Variants in DOCK2 observed in about 807,000 individuals in gnomAD.
DOCK2 encodes the protein dedicator of cytokinesis 2.
Under a neutral mutation model 248.9 loss-of-function variants are expected in DOCK2, and 87 were observed. That is an observed-to-expected ratio of 0.35 (90% CI 0.29 to 0.42). The LOEUF is 0.42. DOCK2 is among the 10% of genes least tolerant of loss of function. The probability of loss-of-function intolerance (pLI) is 1.00; values close to 1 mark genes in which losing one functional copy is unlikely to be tolerated. For synonymous variants in DOCK2, 805 were observed against 821.6 expected, an observed-to-expected ratio of 0.98 and a Z score of 0.35; for missense variants, 1,747 against 2,300.2, an observed-to-expected ratio of 0.76 and a Z score of 4.92.
chr5:169,820,148 G>A (rs879078399), intron 26 of DOCK2, among the ~76,000 whole-genome samples: 1 of 152,230 alleles, frequency 6.6e-6, no homozygotes, highest in Admixed American at 6.5e-5. Context: ...GGAGCCCAAC[G>A]CAGCTCAAGG....
In DOCK2 at chr5:170,077,715, C is replaced by T; in HGVS notation, c.4872C>T (p.Asp1624=). 1.2e-6 allele frequency: 2 copies of T among 1,613,752 alleles called. No homozygotes were observed. Among genetic ancestry groups the T allele is most frequent in the Non-Finnish European group, 1.7e-6 (2 of 1,179,858 alleles). ...EKEYGVREMP[D]FDDRRVGRPR... is the part of the protein sequence containing the mutation. ...ACCCTGTTCTCCCACCACAGCCTGA[C>T]TTTGACGACAGGAGAGTGGGCCGTC... Residue 1624 remains aspartate, a synonymous_variant, in exon 48 of 52, where the codon GAC becomes GAT. Transcript: ENST00000520908.
intron 43 of DOCK2, chr5:170,057,169 C>A: frequency 2.8e-6 from 1 of 354,998 alleles, no homozygotes; most frequent in Non-Finnish European, 5.3e-6. Context: ...AGCTAGGATT[C>A]AAACAAGACT....
At chr5:169,897,807 C>T (rs1773699616) in intron 27 of DOCK2, among the ~76,000 whole-genome samples, 1 of 152,114 alleles carries the variant, frequency 6.6e-6, no homozygotes, top group Non-Finnish European at 1.5e-5. Flanking sequence ...AGAGATGATT[C>T]CTTCATCCCA....
At chr5:169,951,338 C>T (rs1776655971) in intron 27 of DOCK2, among the ~76,000 whole-genome samples, 2 of 152,210 alleles carry the variant, frequency 1.3e-5, no homozygotes, top group African/African-American at 4.8e-5. Flanking sequence ...CATATGTGGC[C>T]CCAGACAGAG....
At chr5:169,713,986 A>G (rs1761731750) in intron 17 of DOCK2, 42 bp from the exon 18 acceptor site, 2 of 1,548,208 alleles carry the variant, frequency 1.3e-6, no homozygotes, top group South Asian at 1.2e-5. Context: ...GGCATTGGGC[A>G]TGGAGCCTTG....
intron 3 of DOCK2, among the ~76,000 whole-genome samples, chr5:169,669,870 A>T (rs547241555): frequency 1.3e-5 from 2 of 152,212 alleles, no homozygotes; most frequent in Non-Finnish European, 2.9e-5. Context: ...GGTTGCATTT[A>T]TGAAGGGATT....
At chr5:169,971,376 G>A (rs374583958) in intron 27 of DOCK2, among the ~76,000 whole-genome samples, 10 of 151,622 alleles carry the variant, frequency 6.6e-5, no homozygotes, top group Admixed American at 1.3e-4. Context: ...CAGCTGGCAC[G>A]TGAGCCCTAG....
intron 27 of DOCK2, among the ~76,000 whole-genome samples, chr5:169,926,913 A>T (rs961333402): frequency 5.9e-5 from 9 of 152,352 alleles, no homozygotes; most frequent in Admixed American, 6.5e-5. Flanking sequence ...TATGATACAA[A>T]ACAAGGAGCA....
At chr5:170,079,987 G>T in intron 49 of DOCK2, 176 bp from the exon 50 acceptor site, 5 of 1,067,208 alleles carry the variant, frequency 4.7e-6, no homozygotes, top group Non-Finnish European at 5.2e-6. Flanking sequence ...TGCAACCTGT[G>T]CAACCATATG....
intron 29 of DOCK2, among the ~76,000 whole-genome samples, chr5:169,990,543 C>A (rs994674841): frequency 1.3e-5 from 2 of 152,182 alleles, no homozygotes; most frequent in Non-Finnish European, 2.9e-5. Flanking sequence ...TGGGGTGAAC[C>A]GTGTCCTGTC....
chr5:169,810,779 G>C (rs907690828), intron 26 of DOCK2, among the ~76,000 whole-genome samples: 3 of 152,098 alleles, frequency 2.0e-5, no homozygotes, highest in Non-Finnish European at 4.4e-5. Flanking sequence ...ATCTTGGTTT[G>C]ATCTGGGCCT....
chr5:169,865,790 T>A (rs905904123), intron 27 of DOCK2, among the ~76,000 whole-genome samples: 3 of 152,168 alleles, frequency 2.0e-5, no homozygotes, highest in Admixed American at 6.5e-5. Context: ...AGACCCCATG[T>A]TGGTTTATGA....
At chr5:169,694,364 C>T (rs1438083874) in intron 9 of DOCK2, among the ~76,000 whole-genome samples, 3 of 152,224 alleles carry the variant, frequency 2.0e-5, no homozygotes, top group Non-Finnish European at 4.4e-5. Flanking sequence ...GGCAGGGGGC[C>T]TCAAGATCAC....
chr5:169,805,924 C>T (rs188408549), intron 26 of DOCK2, among the ~76,000 whole-genome samples: 55 of 152,238 alleles, frequency 3.6e-4, no homozygotes, highest in Admixed American at 5.2e-4. Context: ...CCCCTTTCTC[C>T]GGGTGAGCAA....
chr5:169,817,995 G>A (rs542407400), intron 26 of DOCK2, among the ~76,000 whole-genome samples: 114 of 152,280 alleles, frequency 7.5e-4, no homozygotes, highest in Non-Finnish European at 8.1e-4. Flanking sequence ...CGCATAAAAA[G>A]CAGGTACCAA....
intron 11 of DOCK2, 144 bp downstream of exon 11, chr5:169,698,593 G>A (rs924675486): frequency 1.2e-6 from 1 of 805,340 alleles, no homozygotes; most frequent in South Asian, 1.6e-5. Context: ...AGAATCACTG[G>A]CTCAGTGCCC....
At chr5:170,065,700 AGGG>A (rs1413095362) in intron 44 of DOCK2, among the ~76,000 whole-genome samples, 6 of 152,222 alleles carry the variant, frequency 3.9e-5, no homozygotes, top group African/African-American at 1.4e-4. Flanking sequence ...CCTTTAAAAA[AGGG>A]ATCTTGTGAG....
At chr5:170,048,653 A>C (rs1307534163) in intron 40 of DOCK2, among the ~76,000 whole-genome samples, 1 of 152,184 alleles carries the variant, frequency 6.6e-6, no homozygotes, top group Non-Finnish European at 1.5e-5. Flanking sequence ...TCATGGGAGA[A>C]TGAGAATGAA....
At chr5:169,883,403 C>T (rs149156890) in intron 27 of DOCK2, 1 of 1,551,680 alleles carries the variant, frequency 6.4e-7, no homozygotes, top group Admixed American at 2.0e-5. Flanking sequence ...GCATGGGACA[C>T]CTTGACCCTT....
Sources: allele counts gnomAD v4.1 joint callset (sites outside exome capture counted in the v4.1 genomes callset), GRCh38; gene constraint gnomAD v4.1.1; transcripts MANE v1.5; gene names NCBI Gene and HGNC (gene_info 2026-07-23, HGNC 2026-07-21).